HPSE2: variants seen among roughly 807,000 people sequenced by gnomAD.
HPSE2 encodes inactive heparanase-2.
Under a neutral mutation model 60.5 loss-of-function variants are expected in HPSE2, and 38 were observed. That is an observed-to-expected ratio of 0.63 (90% CI 0.48 to 0.82). The LOEUF (loss-of-function observed/expected upper bound fraction) is 0.82. Ranked by LOEUF, HPSE2 falls within the 40% of genes least tolerant of loss-of-function variation. The pLI, the probability that HPSE2 is intolerant of heterozygous loss-of-function variation, is 0.00. For missense variants in HPSE2, 713 were observed against 740.4 expected (o/e 0.96, Z 0.43); for synonymous variants, 295 against 293.2 (o/e 1.01, Z -0.06).
At chr10:98,636,271 G>A (rs897462980) in intron 7 of HPSE2, among the ~76,000 whole-genome samples, 5 of 149,192 alleles carry the variant, frequency 3.4e-5, no homozygotes, top group Non-Finnish European at 7.4e-5. Flanking sequence ...ACAGAGTCTC[G>A]CTCTGTTGCC....
intron 6 of HPSE2, among the ~76,000 whole-genome samples, chr10:98,668,934 G>A (rs1338645738): frequency 6.6e-6 from 1 of 152,082 alleles, no homozygotes; most frequent in Non-Finnish European, 1.5e-5. Flanking sequence ...CTTCTGCACA[G>A]CAAAATAAAT....
intron 2 of HPSE2, among the ~76,000 whole-genome samples, chr10:99,220,807 CAA>C (rs113095503): frequency 3.0e-4 from 17 of 56,452 alleles, no homozygotes; most frequent in Admixed American, 7.4e-4. Flanking sequence ...GACTCCGTCT[CAA>C]AAAAAAAAAA....
chr10:98,958,834 T>C (rs1287671468), intron 3 of HPSE2, among the ~76,000 whole-genome samples: 1 of 152,136 alleles, frequency 6.6e-6, no homozygotes, highest in South Asian at 2.1e-4. Flanking sequence ...TGGATTAAAT[T>C]CCTATTATAC....
At chr10:99,104,288 G>A (rs1467510459) in intron 3 of HPSE2, among the ~76,000 whole-genome samples, 1 of 151,850 alleles carries the variant, frequency 6.6e-6, no homozygotes, top group Non-Finnish European at 1.5e-5. Flanking sequence ...AAATTTACAA[G>A]AAAAAAACAA....
At chr10:99,242,669 GA>G in the HPSE2 span, among the ~76,000 whole-genome samples, 2 of 152,188 alleles carry the variant, frequency 1.3e-5, no homozygotes, top group African/African-American at 2.4e-5. Flanking sequence ...ATATTATATT[GA>G]AAAAAGTGTG....
intron 3 of HPSE2, among the ~76,000 whole-genome samples, chr10:99,060,658 C>CAAAAAAAAAAAAAAAA: frequency 2.1e-5 from 1 of 47,774 alleles, no homozygotes; most frequent in Non-Finnish European, 3.5e-5. Context: ...AACTCTGTCT[C>CAAAAAAAAAAAAAAAA]AAAAAAAAAA....
At chr10:99,198,623 C>G (rs1395480171) in intron 2 of HPSE2, among the ~76,000 whole-genome samples, 1 of 152,054 alleles carries the variant, frequency 6.6e-6, no homozygotes, top group East Asian at 1.9e-4. Flanking sequence ...CACTTTAAAA[C>G]CTTAATATGT....
chr10:98,594,468 T>C (rs1945176938), intron 9 of HPSE2, among the ~76,000 whole-genome samples: 1 of 152,124 alleles, frequency 6.6e-6, no homozygotes, highest in Admixed American at 6.6e-5. Context: ...GTGGAGTCTT[T>C]AGGATTTCCT....
In HPSE2 at chr10:98,504,305, T is replaced by C. The variant is rs577013409; in HGVS notation, c.1321-14109A>G. Reference sequence around the variant, plus strand: ...TTACTATGTTCAATGAACATTTTAATTGTTATTATAATTTTAGTTTCCTTG... The same window carrying C: ...TTACTATGTTCAATGAACATTTTAACTGTTATTATAATTTTAGTTTCCTTG... On this transcript the variant is annotated intron_variant, in intron 9 of 11. Transcript: ENST00000370552. Among the ~76,000 whole-genome samples, 353 of 152,362 alleles carry C rather than the reference T, an allele frequency of 2.3e-3. 3 individuals carry two copies. Among genetic ancestry groups the C allele is most frequent in the Non-Finnish European group, 3.9e-3 (266 of 68,038 alleles).
intron 3 of HPSE2, among the ~76,000 whole-genome samples, chr10:98,922,672 C>T (rs1954316751): frequency 6.6e-6 from 1 of 152,076 alleles, no homozygotes; most frequent in South Asian, 2.1e-4. Context: ...TACTCAGAAT[C>T]CATAAATACA....
At chr10:98,610,259 TA>T (rs1183157941) in intron 9 of HPSE2, among the ~76,000 whole-genome samples, 2 of 152,206 alleles carry the variant, frequency 1.3e-5, no homozygotes, top group Non-Finnish European at 2.9e-5. Context: ...TGGCAGTGCA[TA>T]CTCGGCATTG....
At chr10:98,843,468 T>C (rs1385397954) in intron 3 of HPSE2, among the ~76,000 whole-genome samples, 1 of 152,214 alleles carries the variant, frequency 6.6e-6, no homozygotes, top group Non-Finnish European at 1.5e-5. Context: ...TATACTTAAT[T>C]CAAAAGACAT....
chr10:98,940,508 A>G (rs1954959606), intron 3 of HPSE2, among the ~76,000 whole-genome samples: 1 of 143,784 alleles, frequency 7.0e-6, no homozygotes, highest in African/African-American at 2.8e-5. Flanking sequence ...TCCTCCACAC[A>G]TACACCCTCC....
the HPSE2 span, among the ~76,000 whole-genome samples, chr10:99,286,295 T>C: frequency 2.6e-5 from 4 of 152,232 alleles, no homozygotes; most frequent in Admixed American, 1.3e-4. Flanking sequence ...TTATTCACAA[T>C]AACCTAGAAG....
chr10:99,143,323 C>T lies in HPSE2; in HGVS notation c.610+915G>A, dbSNP rs529832126. On this transcript the variant is annotated intron_variant, in intron 3 of 11. Coordinates refer to ENST00000370552, the MANE Select transcript of HPSE2 (RefSeq NM_021828.5). ...ACAATTTGGTTGCCACTCAGCAATT[C>T]CTGGTGACATGCCAAGAAGTCTGTA... Among the ~76,000 whole-genome samples, 15 of 152,148 alleles carry T rather than the reference C, an allele frequency of 9.9e-5. 1 individual carries two copies. The East Asian group carries it at 2.7e-3, about 27-fold the overall frequency.
intron 9 of HPSE2, among the ~76,000 whole-genome samples, chr10:98,568,553 A>C (rs1321442690): frequency 2.0e-5 from 3 of 152,198 alleles, no homozygotes; most frequent in South Asian, 4.1e-4. Context: ...TTGTCCTTTA[A>C]GGTTCTCAGG....
At chr10:99,049,759 A>G (rs1049177354) in intron 3 of HPSE2, among the ~76,000 whole-genome samples, 5 of 152,180 alleles carry the variant, frequency 3.3e-5, no homozygotes, top group Admixed American at 3.3e-4. Flanking sequence ...ATCAAATAAA[A>G]AACATTTGCT....
At chr10:98,546,235 C>A (rs1368722877) in intron 9 of HPSE2, among the ~76,000 whole-genome samples, 3 of 138,300 alleles carry the variant, frequency 2.2e-5, no homozygotes, top group East Asian at 4.9e-4. Context: ...TACCCAAGGT[C>A]ATTTATAGAT....
intron 6 of HPSE2, among the ~76,000 whole-genome samples, chr10:98,683,687 T>A (rs1458661003): frequency 1.3e-5 from 2 of 151,878 alleles, no homozygotes; most frequent in African/African-American, 4.8e-5. Flanking sequence ...AGAGTACTGT[T>A]TGAGGAATTC....
Sources: allele counts gnomAD v4.1 joint callset (sites outside exome capture counted in the v4.1 genomes callset), GRCh38; gene constraint gnomAD v4.1.1; transcripts MANE v1.5; gene names NCBI Gene and HGNC (gene_info 2026-07-23, HGNC 2026-07-21).